CHST6: variants seen among roughly 807,000 people sequenced by gnomAD.
CHST6 encodes N-acetylglucosamine 6-O-sulfotransferase 5.
For synonymous variants in CHST6, 309 were observed against 276.4 expected, an observed-to-expected ratio of 1.12 and a Z score of -1.17; for missense variants, 698 against 586.2, an observed-to-expected ratio of 1.19 and a Z score of -1.97.
Position 75,473,295 on chromosome 16 carries a change from A to G in CHST6, c.*5346T>C, listed in dbSNP as rs1322946129. On this transcript the variant is annotated 3_prime_UTR_variant, in exon 3 of 3. Coordinates refer to ENST00000332272, the MANE Select transcript of CHST6 (RefSeq NM_021615.5). ...CCCTGGGACTCCCTTTGGCCAGTAG[A>G]AGGTAGCCGAAGTGGCTGCGTGCGG... 1 of 152,256 alleles carries G rather than the reference A, an allele frequency of 6.6e-6. No individual in the cohort carries two copies. The highest frequency in any genetic ancestry group is 2.4e-5 in the African/African-American group (1 of 41,428). The allele number at this position is 152,256 out of a possible 1,614,324, so 9.4% of individuals were successfully genotyped here.
chr16:75,493,780 C>T (rs548328390), intron 1 of CHST6, among the ~76,000 whole-genome samples: 2 of 152,274 alleles, frequency 1.3e-5, no homozygotes, highest in East Asian at 3.9e-4. Context: ...CAGAATGTGG[C>T]AGGCACAGAC....
At position 75,472,676 on chromosome 16, in the gene CHST6, T is replaced by G. The variant is rs916707076; in HGVS notation, c.*5965A>C. On this transcript the variant is annotated 3_prime_UTR_variant, in exon 3 of 3. Coordinates refer to ENST00000332272, the MANE Select transcript of CHST6 (RefSeq NM_021615.5). ...GACAAAGGCACATCAAAGACAAAGC[T>G]AGGGGACACAGGGTCTGTGGTGGCC... 6.6e-6 allele frequency: 1 copy of G among 152,248 alleles called. No individual in the cohort carries two copies. Among genetic ancestry groups the G allele is most frequent in the Non-Finnish European group, 1.5e-5 (1 of 68,068 alleles). 9.4% of individuals were successfully genotyped at this position (152,248 alleles called of 1,614,324 possible).
At position 75,479,024 on chromosome 16, in the gene CHST6, G is replaced by C. The variant is rs774886290; in HGVS notation, c.805C>G (p.Arg269Gly). The change falls in exon 3 of 3, where the codon CGC (arginine) becomes GGC (glycine). Residue 269 changes from arginine (R) to glycine (G), a missense_variant. Transcript: ENST00000332272. ...GCCAGGTCCTCGAAGCGCACCAGGC[G>C]GTAGCGGCCGCGCAGAAAGGGTGGC... ...KPPPFLRGRY[R>G]LVRFEDLARE... The C allele has an allele frequency of 1.2e-6, 2 of 1,610,320 alleles. No individual in the cohort carries two copies. Among genetic ancestry groups the C allele is most frequent in the Non-Finnish European group, 1.7e-6 (2 of 1,179,804 alleles).
At chr16:75,482,009 C>T in intron 1 of CHST6, 118 bp from the exon 2 acceptor site, 1 of 323,878 alleles carries the variant, frequency 3.1e-6, no homozygotes, top group Non-Finnish European at 6.2e-6. Context: ...CAACATTTAA[C>T]CTCTTAGGGC....
At chr16:75,484,553 T>C (rs923713702) in intron 1 of CHST6, among the ~76,000 whole-genome samples, 6 of 151,412 alleles carry the variant, frequency 4.0e-5, no homozygotes, top group Admixed American at 1.3e-4. Flanking sequence ...CACATAGGTG[T>C]TGTATAAAAT....
rs1032245285 is a variant in CHST6, at chr16:75,475,592, G to C, written c.*3049C>G. 2 of 152,236 alleles carry C rather than the reference G, an allele frequency of 1.3e-5. No individual in the cohort carries two copies. The highest frequency in any genetic ancestry group is 4.8e-5 in the African/African-American group (2 of 41,454). The allele number at this position is 152,236 out of a possible 1,614,324, so 9.4% of individuals were successfully genotyped here. On this transcript the variant is annotated 3_prime_UTR_variant, in exon 3 of 3. Transcript: ENST00000332272. ...ATCAGCACAAGTATGTACCTACCCA[G>C]CCCTGGCTTTACTGTGCCTAGTCAG...
intron 1 of CHST6, among the ~76,000 whole-genome samples, chr16:75,483,894 C>T (rs1353943485): frequency 3.3e-5 from 5 of 152,078 alleles, no homozygotes; most frequent in African/African-American, 4.8e-5. Context: ...TGCAGTGGCG[C>T]GGACCTGTAG....
Position 75,478,704 on chromosome 16 carries a change from C to G in CHST6, c.1125G>C (p.Val375=), listed in dbSNP as rs1406885249. 7 of 1,613,674 alleles carry G rather than the reference C, an allele frequency of 4.3e-6. No homozygotes were observed. The African/African-American group carries it at 9.3e-5, about 21-fold the overall frequency. The part of the protein sequence containing the change: ...DEQRNLALDL[V]LPRGLNGFTW... Reference sequence around the variant, plus strand: ...TGAAGCCGTTCAGGCCTCGTGGCAGCACCAGATCAAGGGCGAGGTTGCGCT... The same window carrying G: ...TGAAGCCGTTCAGGCCTCGTGGCAGGACCAGATCAAGGGCGAGGTTGCGCT... The change falls in exon 3 of 3, where the codon GTG becomes GTC. Residue 375 remains valine, a synonymous_variant. Transcript: ENST00000332272.
chr16:75,478,477 C>A lies in CHST6; in HGVS notation c.*164G>T, dbSNP rs901651645. The A allele has an allele frequency of 5.1e-5, 36 of 701,260 alleles. No homozygotes were observed. The highest frequency in any genetic ancestry group is 3.2e-5 in the Non-Finnish European group (13 of 407,286). 43.4% of individuals were successfully genotyped at this position (701,260 alleles called of 1,614,324 possible). A position where few individuals can be genotyped will look rare whatever the true frequency, so the allele number is the denominator to read the frequency against. On this transcript the variant is annotated 3_prime_UTR_variant, in exon 3 of 3. Transcript: ENST00000332272. ...GAGGACTCAAAGGAAAACCAAGAAT[C>A]AAGAGAGAAAGAAACGTGCAGTCCT...
chr16:75,478,692 G>C lies in CHST6; in HGVS notation c.1137C>G (p.Gly379=). The C allele has an allele frequency of 6.2e-7, 1 of 1,613,736 alleles. No homozygotes were observed. The highest frequency in any genetic ancestry group is 8.5e-7 in the Non-Finnish European group (1 of 1,180,034). ...NLALDLVLPR[G]LNGFTWASST... is the part of the protein sequence containing the mutation. ...ATGATGCCCAAGTGAAGCCGTTCAG[G>C]CCTCGTGGCAGCACCAGATCAAGGG... is the stretch of plus-strand genomic sequence containing the variant. The change falls in exon 3 of 3, where the codon GGC becomes GGG. Residue 379 remains glycine (G), a synonymous_variant. Transcript: ENST00000332272.
At chr16:75,484,870 C>A (rs77012281) in intron 1 of CHST6, among the ~76,000 whole-genome samples, 1 of 152,136 alleles carries the variant, frequency 6.6e-6, no homozygotes, top group South Asian at 2.1e-4. Flanking sequence ...AACAAAAAAA[C>A]TCAAGGTAAA....
Position 75,477,990 on chromosome 16 carries a change from C to G in CHST6, c.*651G>C, listed in dbSNP as rs1316476034. 1.3e-5 allele frequency: 2 copies of G among 156,626 alleles called. No individual in the cohort carries two copies. The highest frequency in any genetic ancestry group is 4.8e-5 in the African/African-American group (2 of 41,488). The allele number at this position is 156,626 out of a possible 1,614,324, so 9.7% of individuals were successfully genotyped here. A position where few individuals can be genotyped will look rare whatever the true frequency, so the allele number is the denominator to read the frequency against. ...CATGATAAACTCTGGTCTCAGCATT[C>G]ACAGCCTCCTCTATCTCTCAGCTGT... On this transcript the variant is annotated 3_prime_UTR_variant, in exon 3 of 3. Transcript: ENST00000332272.
intron 1 of CHST6, 88 bp from the exon 2 acceptor site, chr16:75,481,979 C>T (rs1392625436): frequency 2.4e-6 from 1 of 413,624 alleles, no homozygotes; most frequent in African/African-American, 2.0e-5. Flanking sequence ...TCGATTTCCA[C>T]TTCTGTAGGA....
chr16:75,475,344 G>A lies in CHST6; in HGVS notation c.*3297C>T, dbSNP rs891021575. On this transcript the variant is annotated 3_prime_UTR_variant, in exon 3 of 3. Transcript: ENST00000332272. ...GTCTACAGGACAAAGCAAGTCACAGGACCAGCCTGGATTCAGAGGTGGAGA... is the reference window on the plus strand; with the variant it reads ...GTCTACAGGACAAAGCAAGTCACAGAACCAGCCTGGATTCAGAGGTGGAGA... 4.6e-5 allele frequency: 7 copies of A among 152,300 alleles called. No individual in the cohort carries two copies. The highest frequency in any genetic ancestry group is 1.7e-4 in the African/African-American group (7 of 41,438). The allele number at this position is 152,300 out of a possible 1,614,324, so 9.4% of individuals were successfully genotyped here.
chr16:75,492,933 A>C lies in CHST6; in HGVS notation c.-92+2007T>G, dbSNP rs936166980. On this transcript the variant is annotated intron_variant, in intron 1 of 2. Coordinates refer to ENST00000332272, the MANE Select transcript of CHST6 (RefSeq NM_021615.5). ...ACCTTGTGTGGATTCTGATTTGAAA[A>C]AAACATCTGCCAGGAGATACCCTAG... Among the ~76,000 whole-genome samples the C allele has an allele frequency of 2.6e-5, 4 of 152,204 alleles. No homozygotes were observed. The East Asian group carries it at 7.7e-4, about 29-fold the overall frequency.
chr16:75,489,130 G>A (rs1273570084), intron 1 of CHST6, among the ~76,000 whole-genome samples: 1 of 151,888 alleles, frequency 6.6e-6, no homozygotes, highest in Non-Finnish European at 1.5e-5. Context: ...AGGGCATGGT[G>A]ACTGATGCCT....
At chr16:75,491,126 C>T (rs1003019590) in intron 1 of CHST6, among the ~76,000 whole-genome samples, 1 of 129,048 alleles carries the variant, frequency 7.7e-6, no homozygotes, top group Non-Finnish European at 1.6e-5. Context: ...AATCAAGCCA[C>T]TGCACTCCAG....
intron 2 of CHST6, among the ~76,000 whole-genome samples, chr16:75,480,100 G>C (rs1462553660): frequency 6.6e-6 from 1 of 152,072 alleles, no homozygotes; most frequent in Non-Finnish European, 1.5e-5. Flanking sequence ...CTTAATGTGA[G>C]TCCTACCTTC....
At chr16:75,482,426 T>C (rs1467838189) in intron 1 of CHST6, among the ~76,000 whole-genome samples, 1 of 151,936 alleles carries the variant, frequency 6.6e-6, no homozygotes, top group Admixed American at 6.6e-5. Context: ...CACATGCCTG[T>C]ACTAGGGAGG....
Sources: allele counts gnomAD v4.1 joint callset (sites outside exome capture counted in the v4.1 genomes callset), GRCh38; gene constraint gnomAD v4.1.1; transcripts MANE v1.5; gene names NCBI Gene and HGNC (gene_info 2026-07-23, HGNC 2026-07-21).